Variants in APP observed in about 807,000 individuals in gnomAD.
APP encodes amyloid-beta precursor protein.
APP carries 31 observed loss-of-function variants against 101.4 expected under a neutral mutation model. That is an observed-to-expected ratio of 0.31 (90% CI 0.23 to 0.41). APP has a LOEUF of 0.41. APP is among the 10% of genes least tolerant of loss of function. APP has a pLI of 1.00. For synonymous variants in APP, 366 were observed against 364.4 expected (o/e 1.00, Z -0.05); for missense variants, 839 against 1,003.7 (o/e 0.84, Z 2.22).
chr21:26,087,997 TTTTG>T (rs1250512411), intron 3 of APP, among the ~76,000 whole-genome samples: 2 of 152,156 alleles, frequency 1.3e-5, no homozygotes, highest in Non-Finnish European at 2.9e-5. Context: ...TTGGAGGTTT[TTTTG>T]TTTGTTTTTG....
intron 5 of APP, among the ~76,000 whole-genome samples, chr21:26,042,738 A>AC (rs1472625189): frequency 7.6e-6 from 1 of 131,698 alleles, no homozygotes; most frequent in Non-Finnish European, 1.7e-5. Context: ...CCCTGTCTCT[A>AC]CAAAAAAAAT....
chr21:26,059,715 C>T (rs1398918118), intron 3 of APP, among the ~76,000 whole-genome samples: 2 of 151,722 alleles, frequency 1.3e-5, no homozygotes, highest in Non-Finnish European at 2.9e-5. Flanking sequence ...ATGGTGAAAC[C>T]CCGTCTCTAC....
At chr21:25,916,741 AT>A (rs935870768) in intron 13 of APP, among the ~76,000 whole-genome samples, 2 of 151,958 alleles carry the variant, frequency 1.3e-5, no homozygotes, top group Non-Finnish European at 2.9e-5. Context: ...CCCAAGACTT[AT>A]TTTTTCCCCT....
intron 13 of APP, among the ~76,000 whole-genome samples, chr21:25,952,587 T>C (rs1025712976): frequency 1.3e-5 from 2 of 152,206 alleles, no homozygotes; most frequent in South Asian, 2.1e-4. Context: ...AAAGTTCTAA[T>C]AATTTAATTA....
chr21:25,962,291 T>C (rs1403579344), intron 11 of APP, among the ~76,000 whole-genome samples: 1 of 152,192 alleles, frequency 6.6e-6, no homozygotes, highest in Admixed American at 6.5e-5. Flanking sequence ...TTAGACATCA[T>C]TTACAGCAAG....
At chr21:26,037,614 T>A (rs1284348621) in intron 5 of APP, among the ~76,000 whole-genome samples, 1 of 152,254 alleles carries the variant, frequency 6.6e-6, no homozygotes, top group African/African-American at 2.4e-5. Context: ...AGAGATGCGG[T>A]AACTGTGGTC....
At chr21:26,050,691 A>G (rs1185962437) in intron 5 of APP, among the ~76,000 whole-genome samples, 2 of 152,196 alleles carry the variant, frequency 1.3e-5, no homozygotes, top group African/African-American at 4.8e-5. Context: ...ATTAATGACC[A>G]AAACAGAACG....
intron 5 of APP, among the ~76,000 whole-genome samples, chr21:26,049,796 A>T (rs1220806775): frequency 6.6e-6 from 1 of 152,210 alleles, no homozygotes; most frequent in Non-Finnish European, 1.5e-5. Context: ...ATAATGGACT[A>T]AAAGCCTGAA....
At chr21:25,915,503 G>T (rs566092944) in intron 13 of APP, among the ~76,000 whole-genome samples, 2 of 152,202 alleles carry the variant, frequency 1.3e-5, no homozygotes, top group Non-Finnish European at 2.9e-5. Flanking sequence ...TCAGCCTCTC[G>T]TATTATCACA....
chr21:25,887,540 A>AAAAC (rs367900945), intron 17 of APP, among the ~76,000 whole-genome samples: 4 of 139,264 alleles, frequency 2.9e-5, no homozygotes, highest in African/African-American at 2.7e-5. Context: ...AAAAAAAAAA[A>AAAAC]CAACAACTAG....
chr21:25,896,815 C>T (rs2038081543), intron 16 of APP, among the ~76,000 whole-genome samples: 1 of 152,222 alleles, frequency 6.6e-6, no homozygotes, highest in Middle Eastern at 3.4e-3. Flanking sequence ...ACTCCATGAT[C>T]TTACTCTTGC....
intron 10 of APP, 43 bp downstream of exon 10, chr21:25,975,911 T>A: frequency 6.6e-7 from 1 of 1,509,660 alleles, no homozygotes; most frequent in Non-Finnish European, 9.2e-7. Context: ...TTAAAAAGAC[T>A]GCTGGCATGT....
At chr21:25,960,225 T>G (rs913959343) in intron 11 of APP, among the ~76,000 whole-genome samples, 1 of 152,132 alleles carries the variant, frequency 6.6e-6, no homozygotes, top group Non-Finnish European at 1.5e-5. Flanking sequence ...AAGGTCTGAG[T>G]CCTGAAGACC....
At chr21:26,016,860 G>A (rs2044089142) in intron 6 of APP, among the ~76,000 whole-genome samples, 1 of 150,664 alleles carries the variant, frequency 6.6e-6, no homozygotes, top group South Asian at 2.1e-4. Context: ...ATGAGCCATT[G>A]CGCCCAGCCC....
At chr21:26,149,586 C>T (rs2063220212) in intron 1 of APP, among the ~76,000 whole-genome samples, 1 of 152,336 alleles carries the variant, frequency 6.6e-6, no homozygotes, top group Non-Finnish European at 1.5e-5. Context: ...AACAAAACCA[C>T]CACCAAATCT....
At chr21:25,974,477 G>C (rs45455298) in intron 11 of APP, among the ~76,000 whole-genome samples, 1 of 152,098 alleles carries the variant, frequency 6.6e-6, no homozygotes, top group East Asian at 1.9e-4. Flanking sequence ...AGAGGGCCCA[G>C]AGAGCTCTCT....
chr21:25,986,280 TCACTGTAAC>T (rs2042633753), intron 8 of APP, among the ~76,000 whole-genome samples: 1 of 152,176 alleles, frequency 6.6e-6, no homozygotes, highest in Admixed American at 6.5e-5. Context: ...AAAACACAGG[TCACTGTAAC>T]CACTTAGAAA....
chr21:26,167,180 TG>T (rs1309301014), intron 1 of APP, among the ~76,000 whole-genome samples: 1 of 152,222 alleles, frequency 6.6e-6, no homozygotes, highest in African/African-American at 2.4e-5. Context: ...ATTTTCCTTT[TG>T]GTATTTTAGT....
intron 16 of APP, among the ~76,000 whole-genome samples, chr21:25,895,871 T>C (rs1310340291): frequency 6.6e-6 from 1 of 152,110 alleles, no homozygotes; most frequent in African/African-American, 2.4e-5. Context: ...TTTAAGAAAA[T>C]ACTGTAATTT....
Sources: allele counts gnomAD v4.1 joint callset (sites outside exome capture counted in the v4.1 genomes callset), GRCh38; gene constraint gnomAD v4.1.1; transcripts MANE v1.5; gene names NCBI Gene and HGNC (gene_info 2026-07-23, HGNC 2026-07-21).